The following SOD1 variants were observed in gnomAD, a reference collection of about 807,000 sequenced individuals.
SOD1 encodes superoxide dismutase 1.
In SOD1, 8 loss-of-function variants were observed where a neutral mutation model predicts 15.9. The observed-to-expected ratio is 0.50, with a 90% CI of 0.30 to 0.91. The LOEUF (loss-of-function observed/expected upper bound fraction) is 0.91, where lower values mean the gene tolerates loss of function less well. Among genes scored for constraint, SOD1 ranks in the 40% least tolerant of loss-of-function variants. The pLI is 0.07. For missense variants in SOD1, 137 were observed against 194.5 expected, an observed-to-expected ratio of 0.70 and a Z score of 1.76; for synonymous variants, 86 against 71.2, an observed-to-expected ratio of 1.21 and a Z score of -1.04.
At chr21:31,668,137 AAAGT>A (rs1283221365) in intron 4 of SOD1, among the ~76,000 whole-genome samples, 3 of 152,194 alleles carry the variant, frequency 2.0e-5, no homozygotes, top group Non-Finnish European at 4.4e-5. Flanking sequence ...AAAAACTGCC[AAAGT>A]AAGAGTGACT....
chr21:31,661,284 T>C (rs938511522), intron 1 of SOD1, among the ~76,000 whole-genome samples: 6 of 152,250 alleles, frequency 3.9e-5, no homozygotes, highest in African/African-American at 1.4e-4. Context: ...AAAGGTTCTT[T>C]GGCATTTGAC....
chr21:31,664,040 G>A (rs1475837463), intron 2 of SOD1, among the ~76,000 whole-genome samples, 154 bp downstream of exon 2: 1 of 152,068 alleles, frequency 6.6e-6, no homozygotes, highest in Non-Finnish European at 1.5e-5. Context: ...GGCGCTGTGC[G>A]ATCATGGCTG....
At chr21:31,666,243 G>A (rs927256577) in intron 2 of SOD1, among the ~76,000 whole-genome samples, 1 of 152,106 alleles carries the variant, frequency 6.6e-6, no homozygotes, top group African/African-American at 2.4e-5. Context: ...CAAAGTGCTG[G>A]GGTTCCAGGT....
Position 31,668,672 on chromosome 21 carries a change from T to G in SOD1, c.*94T>G. ...CTGATAAACATTAAACACTGTAATCTTAAAAGTGTAATTGTGTGACTTTTT... is the reference window on the plus strand; with the variant it reads ...CTGATAAACATTAAACACTGTAATCGTAAAAGTGTAATTGTGTGACTTTTT... On this transcript the variant is annotated 3_prime_UTR_variant, in exon 5 of 5. Coordinates refer to ENST00000270142, the MANE Select transcript of SOD1 (RefSeq NM_000454.5). 3.1e-6 allele frequency: 3 copies of G among 969,432 alleles called. No individual in the cohort carries two copies. Among genetic ancestry groups the G allele is most frequent in the Non-Finnish European group, 5.0e-6 (3 of 604,048 alleles). 60.1% of individuals were successfully genotyped at this position (969,432 alleles called of 1,614,324 possible).
At chr21:31,662,459 G>C (rs977169757) in intron 1 of SOD1, among the ~76,000 whole-genome samples, 1 of 152,158 alleles carries the variant, frequency 6.6e-6, no homozygotes, top group African/African-American at 2.4e-5. Context: ...GTTGTATGAC[G>C]GTGTGGTGTG....
At chr21:31,659,900 G>C in intron 1 of SOD1, 59 bp downstream of exon 1, 1 of 1,558,066 alleles carries the variant, frequency 6.4e-7, no homozygotes. Flanking sequence ...GTCCCCCCGC[G>C]CACCTTTGCT....
chr21:31,662,858 CAA>C (rs1395418417), intron 1 of SOD1, among the ~76,000 whole-genome samples: 2 of 151,744 alleles, frequency 1.3e-5, no homozygotes, highest in African/African-American at 4.8e-5. Context: ...ACTAAAAATG[CAA>C]AAAAATTAGC....
chr21:31,666,916 A>G, intron 3 of SOD1: 1 of 402,838 alleles, frequency 2.5e-6, no homozygotes, highest in Non-Finnish European at 4.6e-6. Context: ...TTATATGTGT[A>G]TGTTTTCTGA....
chr21:31,667,250 A>G lies in SOD1; in HGVS notation c.240-8A>G. ...GCCCTAATCCATCTGATGCTTTTTC[A>G]TTATTAGGCATGTTGGAGACTTGGG... On this transcript the variant is annotated splice_polypyrimidine_tract_variant and splice_region_variant and intron_variant, in intron 3 of 4. Transcript: ENST00000270142. 6.2e-7 allele frequency: 1 copy of G among 1,604,878 alleles called. No individual in the cohort carries two copies. The highest frequency in any genetic ancestry group is 8.5e-7 in the Non-Finnish European group (1 of 1,171,736).
intron 1 of SOD1, among the ~76,000 whole-genome samples, chr21:31,663,199 A>T (rs1303675725): frequency 1.3e-5 from 2 of 149,392 alleles, no homozygotes; most frequent in African/African-American, 2.5e-5. Context: ...AAGGGGCTCC[A>T]GAGTGTAGGA....
At chr21:31,667,133 T>C in intron 3 of SOD1, 125 bp from the exon 4 acceptor site, 1 of 724,126 alleles carries the variant, frequency 1.4e-6, no homozygotes, top group East Asian at 2.7e-5. Flanking sequence ...AAGAGCTGTA[T>C]TTAGAATGCC....
intron 1 of SOD1, among the ~76,000 whole-genome samples, chr21:31,663,289 G>C (rs2049564794): frequency 6.6e-6 from 1 of 151,790 alleles, no homozygotes; most frequent in South Asian, 2.1e-4. Flanking sequence ...GCAGTGAGCT[G>C]AGATCATGCC....
At chr21:31,667,743 T>C (rs1248432073) in intron 4 of SOD1, among the ~76,000 whole-genome samples, 1 of 152,208 alleles carries the variant, frequency 6.6e-6, no homozygotes, top group Admixed American at 6.5e-5. Context: ...TAAGTATTCA[T>C]GTTCATTCAT....
chr21:31,667,403 A>G (rs1209777015), intron 4 of SOD1, 28 bp downstream of exon 4: 1 of 1,434,746 alleles, frequency 7.0e-7, no homozygotes. Flanking sequence ...GATATGCATA[A>G]AACTTCTTCT....
intron 1 of SOD1, among the ~76,000 whole-genome samples, chr21:31,661,227 A>AC (rs1719176727): frequency 1.3e-5 from 2 of 152,212 alleles, no homozygotes; most frequent in Non-Finnish European, 2.9e-5. Context: ...TGTGAGGGAG[A>AC]TAATGAGTTT....
Position 31,667,691 on chromosome 21 carries a change from T to G in SOD1, c.357+316T>G, listed in dbSNP as rs17883234. Among the ~76,000 whole-genome samples the G allele has an allele frequency of 0.032, 4,819 of 152,296 alleles. 234 individuals are homozygous for G. Among genetic ancestry groups the G allele is most frequent in the African/African-American group, 0.11 (4,522 of 41,530 alleles). ...TTGCCAGGATTGGGTTTCTCACTTG[T>G]TAAACAGAACATTTTGTTAAGTTTA... On this transcript the variant is annotated intron_variant, in intron 4 of 4. Coordinates refer to ENST00000270142, the MANE Select transcript of SOD1 (RefSeq NM_000454.5).
rs1460554436 is a variant in SOD1, at chr21:31,659,821, A to G, written c.52A>G (p.Ile18Val). The G allele has an allele frequency of 6.2e-7, 1 of 1,613,746 alleles. No homozygotes were observed. The highest frequency in any genetic ancestry group is 1.7e-5 in the Admixed American group (1 of 60,022). ...VLKGDGPVQG[I>V]INFEQKESNG... is the part of the protein sequence containing the mutation. Reference sequence around the variant, plus strand: ...GAAGGGCGACGGCCCAGTGCAGGGCATCATCAATTTCGAGCAGAAGGCAAG... The same window carrying G: ...GAAGGGCGACGGCCCAGTGCAGGGCGTCATCAATTTCGAGCAGAAGGCAAG... The change falls in exon 1 of 5, where the codon ATC (isoleucine) becomes GTC (valine). Residue 18 changes from isoleucine (I) to valine (V), a missense_variant. Physicochemically the swap from Ile to Val is conservative, Grantham distance 29. Transcript: ENST00000270142.
intron 2 of SOD1, 142 bp downstream of exon 2, chr21:31,664,028 G>A: frequency 3.0e-6 from 2 of 677,424 alleles, no homozygotes; most frequent in Non-Finnish European, 5.4e-6. Flanking sequence ...CTGGAGTGCA[G>A]TGGCGCTGTG....
At chr21:31,665,726 G>A (rs1035850436) in intron 2 of SOD1, among the ~76,000 whole-genome samples, 3 of 152,202 alleles carry the variant, frequency 2.0e-5, no homozygotes, top group Non-Finnish European at 2.9e-5. Flanking sequence ...ATAAGATGCT[G>A]TTGAATATTC....
Sources: allele counts gnomAD v4.1 joint callset (sites outside exome capture counted in the v4.1 genomes callset), GRCh38; gene constraint gnomAD v4.1.1; transcripts MANE v1.5; gene names NCBI Gene and HGNC (gene_info 2026-07-23, HGNC 2026-07-21).